The following GPC6 variants were observed in gnomAD, a reference collection of about 807,000 sequenced individuals.
The protein encoded by GPC6 is glypican-6.
In GPC6, 14 loss-of-function variants were observed where a neutral mutation model predicts 55.2. The ratio of observed to expected loss-of-function variants is 0.25; its 90% CI spans 0.17 to 0.40. The LOEUF is 0.40. GPC6 is among the 10% of genes least tolerant of loss of function. The pLI, the probability that GPC6 is intolerant of heterozygous loss-of-function variation, is 1.00. For synonymous variants in GPC6, 278 were observed against 259.6 expected (o/e 1.07, Z -0.68); for missense variants, 641 against 708.5 (o/e 0.90, Z 1.08).
At chr13:93,751,436 A>C (rs951117800) in intron 2 of GPC6, among the ~76,000 whole-genome samples, 2 of 151,948 alleles carry the variant, frequency 1.3e-5, no homozygotes, top group African/African-American at 4.8e-5. Flanking sequence ...TTTCAGAAAA[A>C]AGAAGAAAAA....
At chr13:93,463,373 A>G (rs1005372294) in intron 1 of GPC6, among the ~76,000 whole-genome samples, 2 of 152,212 alleles carry the variant, frequency 1.3e-5, no homozygotes. Flanking sequence ...CCAGAAGACC[A>G]GGTGGACGTG....
chr13:93,833,573 T>C (rs1177184219), intron 3 of GPC6, among the ~76,000 whole-genome samples: 11 of 151,782 alleles, frequency 7.2e-5, no homozygotes, highest in Admixed American at 7.2e-4. Flanking sequence ...TTGAGTGATT[T>C]TTTTTTTTCT....
chr13:93,754,350 CTACTTACAGGTATAA>C (rs1884699130), intron 2 of GPC6, among the ~76,000 whole-genome samples: 1 of 152,062 alleles, frequency 6.6e-6, no homozygotes, highest in Non-Finnish European at 1.5e-5. Context: ...TTCTCTTTTC[CTACTTACAGGTATAA>C]TATTGATTCT....
At chr13:94,033,172 A>G (rs1883203846) in intron 4 of GPC6, among the ~76,000 whole-genome samples, 1 of 152,218 alleles carries the variant, frequency 6.6e-6, no homozygotes, top group Non-Finnish European at 1.5e-5. Flanking sequence ...TAATGGAGGT[A>G]TAACTAATTC....
intron 1 of GPC6, among the ~76,000 whole-genome samples, chr13:93,496,697 C>A (rs779724969): frequency 1.3e-5 from 2 of 152,164 alleles, no homozygotes; most frequent in African/African-American, 2.4e-5. Context: ...TTTACAAGCT[C>A]TGTGACCTTG....
At chr13:93,304,077 A>G (rs1236616562) in intron 1 of GPC6, among the ~76,000 whole-genome samples, 1 of 152,012 alleles carries the variant, frequency 6.6e-6, no homozygotes, top group Non-Finnish European at 1.5e-5. Flanking sequence ...CATGTTGGCC[A>G]GGCTGGTCTT....
At chr13:94,017,426 C>T (rs1007207101) in intron 3 of GPC6, among the ~76,000 whole-genome samples, 2 of 152,176 alleles carry the variant, frequency 1.3e-5, no homozygotes, top group African/African-American at 4.8e-5. Flanking sequence ...GTACATCTTA[C>T]ATGGTGGCAG....
At chr13:93,939,214 G>A (rs971958998) in intron 3 of GPC6, among the ~76,000 whole-genome samples, 7 of 151,442 alleles carry the variant, frequency 4.6e-5, no homozygotes, top group Non-Finnish European at 7.4e-5. Context: ...TATTGGACAT[G>A]CCTGAATAGT....
chr13:94,132,665 T>TATTGG (rs1292066865), intron 4 of GPC6, among the ~76,000 whole-genome samples: 1 of 152,196 alleles, frequency 6.6e-6, no homozygotes, highest in Non-Finnish European at 1.5e-5. Flanking sequence ...CATTAAAGAC[T>TATTGG]AGAGCATTAT....
chr13:93,376,629 T>C (rs1278934584), intron 1 of GPC6, among the ~76,000 whole-genome samples: 1 of 152,174 alleles, frequency 6.6e-6, no homozygotes, highest in Non-Finnish European at 1.5e-5. Flanking sequence ...TGATTGTAAA[T>C]GTTGGGTAGA....
rs578249073 is a variant in GPC6, at chr13:93,893,575, A to G, written c.711+63030A>G. Among the ~76,000 whole-genome samples, 5 of 152,250 alleles carry G rather than the reference A, an allele frequency of 3.3e-5. No individual in the cohort carries two copies. In the East Asian group the frequency reaches 9.7e-4, roughly 29 times the overall value. ...AACCCTCTTGTGTTCAAGTTGTCCAATCAGCATTAAATTCACCTAATATTA... is the reference window on the plus strand; with the variant it reads ...AACCCTCTTGTGTTCAAGTTGTCCAGTCAGCATTAAATTCACCTAATATTA... On this transcript the variant is annotated intron_variant, in intron 3 of 8. Transcript: ENST00000377047.
chr13:93,718,461 T>C lies in GPC6; in HGVS notation c.320-111693T>C, dbSNP rs186492126. 2.1e-3 allele frequency among the ~76,000 whole-genome samples: 313 copies of C among 152,242 alleles called. 1 individual carries two copies. Among genetic ancestry groups the C allele is most frequent in the African/African-American group, 6.7e-3 (278 of 41,568 alleles). ...TACTTTTGATGGGGTTAATTATTTTTTTCTTGTAAATTTGTTTAAGTTCCC... is the reference window on the plus strand; with the variant it reads ...TACTTTTGATGGGGTTAATTATTTTCTTCTTGTAAATTTGTTTAAGTTCCC... On this transcript the variant is annotated intron_variant, in intron 2 of 8. Transcript: ENST00000377047.
At chr13:94,246,915 G>A (rs1566589231) in intron 4 of GPC6, among the ~76,000 whole-genome samples, 5 of 151,892 alleles carry the variant, frequency 3.3e-5, no homozygotes, top group Admixed American at 1.3e-4. Flanking sequence ...GAGTGTCATT[G>A]GGATTTTGAT....
chr13:93,622,477 C>A (rs1205433385), intron 2 of GPC6, among the ~76,000 whole-genome samples: 2 of 138,970 alleles, frequency 1.4e-5, no homozygotes, highest in African/African-American at 2.7e-5. Context: ...TACATGAAAC[C>A]AATTTCAGTC....
At chr13:94,289,906 G>A (rs1441829024) in intron 5 of GPC6, among the ~76,000 whole-genome samples, 1 of 152,160 alleles carries the variant, frequency 6.6e-6, no homozygotes, top group African/African-American at 2.4e-5. Flanking sequence ...CAGTTCTCAA[G>A]TTGGGGTTCA....
At chr13:94,153,388 T>G (rs909682473) in intron 4 of GPC6, among the ~76,000 whole-genome samples, 1 of 152,148 alleles carries the variant, frequency 6.6e-6, no homozygotes, top group South Asian at 2.1e-4. Context: ...GAATTATGAA[T>G]CTATGAACTT....
At chr13:94,327,103 C>T (rs1002097410) in intron 6 of GPC6, among the ~76,000 whole-genome samples, 4 of 152,162 alleles carry the variant, frequency 2.6e-5, no homozygotes, top group African/African-American at 9.7e-5. Context: ...TATTCCAAGG[C>T]ATAGAAAGGG....
At chr13:94,376,410 C>A (rs914194523) in intron 6 of GPC6, among the ~76,000 whole-genome samples, 13 of 151,532 alleles carry the variant, frequency 8.6e-5, no homozygotes, top group Admixed American at 7.9e-4. Flanking sequence ...CAACAACAGA[C>A]AAACAGAGAG....
intron 3 of GPC6, among the ~76,000 whole-genome samples, chr13:94,000,196 A>T (rs1881736996): frequency 6.6e-6 from 1 of 152,208 alleles, no homozygotes; most frequent in African/African-American, 2.4e-5. Context: ...TGTAGATAGT[A>T]CGTTCCATGA....
Sources: gnomAD v4.1 joint callset for allele counts (sites outside exome capture counted in the v4.1 genomes callset) on GRCh38, gnomAD v4.1.1 for gene constraint, MANE v1.5 for transcripts, NCBI Gene and HGNC (gene_info 2026-07-23, HGNC 2026-07-21) for gene names.